The following SNTB2 variants were observed in gnomAD, a reference collection of about 807,000 sequenced individuals.
SNTB2 encodes the protein beta-2-syntrophin.
Under a neutral mutation model 46.2 loss-of-function variants are expected in SNTB2, and 34 were observed. That is an observed-to-expected ratio of 0.74 (90% CI 0.56 to 0.98). The LOEUF (loss-of-function observed/expected upper bound fraction) is 0.98. Ranked by LOEUF, SNTB2 falls within the 50% of genes least tolerant of loss-of-function variation. SNTB2 has a pLI of 0.00. For synonymous variants in SNTB2, 290 were observed against 312.6 expected, an observed-to-expected ratio of 0.93 and a Z score of 0.76; for missense variants, 603 against 731.4, an observed-to-expected ratio of 0.82 and a Z score of 2.02.
At chr16:69,190,590 A>G (rs1360799963) in intron 1 of SNTB2, among the ~76,000 whole-genome samples, 2 of 152,216 alleles carry the variant, frequency 1.3e-5, no homozygotes, top group Non-Finnish European at 2.9e-5. Context: ...ACAGAGGTCT[A>G]TATAGGTCCA....
At chr16:69,272,361 T>C (rs1964945365) in intron 4 of SNTB2, among the ~76,000 whole-genome samples, 1 of 151,530 alleles carries the variant, frequency 6.6e-6, no homozygotes, top group African/African-American at 2.4e-5. Flanking sequence ...ACCAACATGG[T>C]GAAATCCCAT....
At chr16:69,299,379 G>A (rs952918485) in intron 5 of SNTB2, among the ~76,000 whole-genome samples, 8 of 152,098 alleles carry the variant, frequency 5.3e-5, no homozygotes, top group African/African-American at 1.2e-4. Context: ...CTGACTTTGC[G>A]ATCCGCCTGC....
At chr16:69,300,135 T>C (rs570810818) in intron 6 of SNTB2, among the ~76,000 whole-genome samples, 1 of 151,730 alleles carries the variant, frequency 6.6e-6, no homozygotes, top group Non-Finnish European at 1.5e-5. Flanking sequence ...TGGCTTCAAG[T>C]GATCTTCCCA....
rs8052096 is a variant in SNTB2 at position 69,219,718 on chromosome 16, A to G, written c.581-25884A>G. Among the ~76,000 whole-genome samples, 1,245 of 140,846 alleles carry G rather than the reference A, an allele frequency of 8.8e-3. 13 individuals are homozygous for G. Among genetic ancestry groups the G allele is most frequent in the African/African-American group, 0.014 (455 of 32,672 alleles). 92.4% of individuals were successfully genotyped at this position (140,846 alleles called of 152,430 possible). On this transcript the variant is annotated intron_variant, in intron 1 of 6. Coordinates refer to ENST00000336278, the MANE Select transcript of SNTB2 (RefSeq NM_006750.4). The stretch of plus-strand genomic sequence containing the variant: ...AGTCATAGAAACCAGATTTTATTTT[A>G]TTTTGTTTTGTTTTGTTTTGTTTTG...
chr16:69,273,941 C>T (rs2143129129), intron 4 of SNTB2, among the ~76,000 whole-genome samples: 1 of 152,234 alleles, frequency 6.6e-6, no homozygotes, highest in South Asian at 2.1e-4. Context: ...CACATTGTAA[C>T]TGCTCAAGTG....
Position 69,301,090 on chromosome 16 carries a change from TCA to T in SNTB2, c.*169_*170del. 1.7e-6 allele frequency: 1 copy of T among 574,412 alleles called. No individual in the cohort carries two copies. 35.6% of individuals were successfully genotyped at this position (574,412 alleles called of 1,614,324 possible). A position where few individuals can be genotyped will look rare whatever the true frequency, so the allele number is the denominator to read the frequency against. On this transcript the variant is annotated 3_prime_UTR_variant, in exon 7 of 7. Coordinates refer to ENST00000336278, the MANE Select transcript of SNTB2 (RefSeq NM_006750.4). ...CCGTGTTTAAAGAAGAGCCTACCTTTCACAGTCTACCTTGGCCAGATATTCTA... is the reference window on the plus strand; with the variant it reads ...CCGTGTTTAAAGAAGAGCCTACCTTTCAGTCTACCTTGGCCAGATATTCTA...
chr16:69,203,961 C>T (rs180892209), intron 1 of SNTB2, among the ~76,000 whole-genome samples: 12 of 152,076 alleles, frequency 7.9e-5, no homozygotes, highest in East Asian at 1.9e-4. Context: ...GGCGCGATCC[C>T]GGCTTACTGC....
chr16:69,299,404 G>C (rs1314820868), intron 5 of SNTB2, among the ~76,000 whole-genome samples, 186 bp from the exon 6 acceptor site: 2 of 152,172 alleles, frequency 1.3e-5, no homozygotes, highest in Non-Finnish European at 2.9e-5. Flanking sequence ...GCCTCCCAAA[G>C]TGCTGGGATT....
chr16:69,202,462 G>T (rs1964172594), intron 1 of SNTB2, among the ~76,000 whole-genome samples: 1 of 152,056 alleles, frequency 6.6e-6, no homozygotes, highest in Non-Finnish European at 1.5e-5. Flanking sequence ...GAATGCAGTG[G>T]CATGATCATA....
chr16:69,300,534 G>A (rs1410834916), intron 6 of SNTB2, among the ~76,000 whole-genome samples: 1 of 152,238 alleles, frequency 6.6e-6, no homozygotes, highest in Admixed American at 6.5e-5. Flanking sequence ...ATGGGCGTGA[G>A]CCACCGTGCC....
At chr16:69,198,124 G>A (rs1459780138) in intron 1 of SNTB2, among the ~76,000 whole-genome samples, 5 of 147,062 alleles carry the variant, frequency 3.4e-5, no homozygotes, top group East Asian at 3.9e-4. Context: ...TTTTTGGGGG[G>A]TAGGGGAACA....
At chr16:69,294,096 T>C (rs1487744563) in intron 5 of SNTB2, among the ~76,000 whole-genome samples, 1 of 152,182 alleles carries the variant, frequency 6.6e-6, no homozygotes, top group African/African-American at 2.4e-5. Flanking sequence ...GTCACGAACA[T>C]GGCTCACTGC....
chr16:69,246,982 G>A (rs1199041829), intron 2 of SNTB2, among the ~76,000 whole-genome samples: 2 of 149,916 alleles, frequency 1.3e-5, no homozygotes, highest in African/African-American at 4.9e-5. Flanking sequence ...GCACCAGCAT[G>A]GCACATGTAT....
intron 2 of SNTB2, among the ~76,000 whole-genome samples, chr16:69,254,410 C>A (rs1486728202): frequency 6.6e-6 from 1 of 152,180 alleles, no homozygotes; most frequent in Non-Finnish European, 1.5e-5. Flanking sequence ...TAACTCCTCT[C>A]TTTACTAGCT....
At chr16:69,246,964 G>T (rs1444048507) in intron 2 of SNTB2, among the ~76,000 whole-genome samples, 2 of 149,342 alleles carry the variant, frequency 1.3e-5, no homozygotes, top group Admixed American at 1.3e-4. Flanking sequence ...CGAGTTAGTG[G>T]GTGCAGCGCA....
At chr16:69,210,327 T>C (rs1383809599) in intron 1 of SNTB2, among the ~76,000 whole-genome samples, 2 of 150,696 alleles carry the variant, frequency 1.3e-5, no homozygotes, top group East Asian at 4.0e-4. Context: ...AACCTACACC[T>C]CCCAGGTTCA....
At chr16:69,211,118 A>C (rs1286097403) in intron 1 of SNTB2, among the ~76,000 whole-genome samples, 1 of 152,172 alleles carries the variant, frequency 6.6e-6, no homozygotes, top group African/African-American at 2.4e-5. Flanking sequence ...TAATTAAAAA[A>C]ATTAAATTTT....
chr16:69,208,093 A>G (rs1964242460), intron 1 of SNTB2, among the ~76,000 whole-genome samples: 1 of 132,096 alleles, frequency 7.6e-6, no homozygotes, highest in Non-Finnish European at 1.6e-5. Context: ...TGGGTGACAC[A>G]GTGAGACTTC....
intron 1 of SNTB2, among the ~76,000 whole-genome samples, chr16:69,243,335 C>T (rs1023337914): frequency 1.3e-5 from 2 of 152,164 alleles, no homozygotes; most frequent in Non-Finnish European, 2.9e-5. Flanking sequence ...CCATCCACAG[C>T]TCTTCAGCCA....
Sources: allele counts gnomAD v4.1 joint callset (sites outside exome capture counted in the v4.1 genomes callset), GRCh38; gene constraint gnomAD v4.1.1; transcripts MANE v1.5; gene names NCBI Gene and HGNC (gene_info 2026-07-23, HGNC 2026-07-21).